ZNF44: variants seen among roughly 807,000 people sequenced by gnomAD.
ZNF44 encodes the protein gonadotropin inducible transcription repressor-2.
Under a neutral mutation model 11.7 loss-of-function variants are expected in ZNF44, and 9 were observed. That is an observed-to-expected ratio of 0.77 (90% CI 0.46 to 1.35). ZNF44 has a LOEUF of 1.35. Among genes scored for constraint, ZNF44 ranks in the 40% most tolerant of loss-of-function variants. The pLI is 0.00. For synonymous variants in ZNF44, 224 were observed against 242.7 expected, an observed-to-expected ratio of 0.92 and a Z score of 0.72; for missense variants, 696 against 743.1, an observed-to-expected ratio of 0.94 and a Z score of 0.74.
At chr19:12,277,158 TTTG>T (rs748589619) in intron 1 of ZNF44, among the ~76,000 whole-genome samples, 87 of 152,316 alleles carry the variant, frequency 5.7e-4, no homozygotes, top group African/African-American at 1.8e-3. Flanking sequence ...ATTTCATATT[TTTG>T]TTGTTGTTGT....
At chr19:12,268,699 C>T (rs1302103452), downstream of ZNF44, among the ~76,000 whole-genome samples, 2 of 152,020 alleles carry the variant, frequency 1.3e-5, no homozygotes, top group African/African-American at 4.8e-5. Flanking sequence ...TCCTCCCACC[C>T]AGTAACTGGG....
intron 3 of ZNF44, among the ~76,000 whole-genome samples, chr19:12,274,541 T>G (rs1351266790): frequency 6.6e-6 from 1 of 151,848 alleles, no homozygotes; most frequent in Non-Finnish European, 1.5e-5. Flanking sequence ...CCCAAAGTGC[T>G]GGGATTACAG....
intron 5 of ZNF44, among the ~76,000 whole-genome samples, chr19:12,257,110 C>T (rs543417003): frequency 1.3e-5 from 2 of 152,088 alleles, no homozygotes; most frequent in Non-Finnish European, 2.9e-5. Flanking sequence ...ACTGAGGTTC[C>T]CTGAATAGAA....
At chr19:12,239,413 CTTT>C (rs34726133), upstream of ZNF44, among the ~76,000 whole-genome samples, 110 of 113,862 alleles carry the variant, frequency 9.7e-4, no homozygotes, top group African/African-American at 3.4e-3. Flanking sequence ...TGCACCTGGC[CTTT>C]TTTTTTTTTT....
At chr19:12,226,962 A>G (rs992727845) in intron 3 of ZNF44, among the ~76,000 whole-genome samples, 2 of 152,114 alleles carry the variant, frequency 1.3e-5, no homozygotes, top group African/African-American at 2.4e-5. Flanking sequence ...GCTACTTGGG[A>G]AGCTGACACA....
chr19:12,225,902 A>C (rs1400681095), downstream of ZNF44, among the ~76,000 whole-genome samples: 1 of 152,162 alleles, frequency 6.6e-6, no homozygotes, highest in Admixed American at 6.5e-5. Flanking sequence ...CTGAAACATC[A>C]AGTTTTCAGT....
chr19:12,234,109 A>G (rs1916279775), intron 2 of ZNF44, among the ~76,000 whole-genome samples: 1 of 152,008 alleles, frequency 6.6e-6, no homozygotes. Flanking sequence ...GTTCATTAAT[A>G]GGTTTTGAAC....
intron 2 of ZNF44, 130 bp from the exon 3 acceptor site, chr19:12,275,163 G>A (rs541135096): frequency 1.7e-6 from 1 of 590,198 alleles, no homozygotes; most frequent in East Asian, 3.3e-5. Flanking sequence ...AACAACACAG[G>A]TTTGAACTGC....
downstream of ZNF44, among the ~76,000 whole-genome samples, chr19:12,269,639 A>G (rs1966893882): frequency 1.3e-5 from 2 of 152,248 alleles, no homozygotes; most frequent in South Asian, 4.1e-4. Context: ...CTGGAATTAC[A>G]GATGTTGTGT....
At chr19:12,264,769 CACTGCA>C (rs1490279781) in intron 5 of ZNF44, among the ~76,000 whole-genome samples, 1 of 152,124 alleles carries the variant, frequency 6.6e-6, no homozygotes, top group Non-Finnish European at 1.5e-5. Context: ...AATCTTGGCT[CACTGCA>C]ACCTCCACCT....
chr19:12,245,118 A>AT (rs956519425), downstream of ZNF44, among the ~76,000 whole-genome samples: 2 of 152,250 alleles, frequency 1.3e-5, no homozygotes, highest in South Asian at 2.1e-4. Flanking sequence ...ATTTTAAAAA[A>AT]TTTTTTCCTT....
At chr19:12,226,794 T>G (rs769056341) in intron 3 of ZNF44, among the ~76,000 whole-genome samples, 9 of 151,972 alleles carry the variant, frequency 5.9e-5, no homozygotes, top group Non-Finnish European at 7.4e-5. Context: ...AGGCTGGGCG[T>G]GGTGGGTCCC....
At position 12,274,961 on chromosome 19, in the gene ZNF44, A is replaced by T. The variant is rs1437882836; in HGVS notation, c.191+12T>A. 26 of 1,574,656 alleles carry T rather than the reference A, an allele frequency of 1.7e-5. No homozygotes were observed. Among genetic ancestry groups the T allele is most frequent in the Non-Finnish European group, 2.2e-5 (25 of 1,158,696 alleles). On this transcript the variant is annotated intron_variant, in intron 3 of 3. Coordinates refer to ENST00000355684, the MANE Select transcript of ZNF44 (RefSeq NM_016264.4). ...GCAAGGACATCACCTGTCTCTTATA[A>T]GTACAAATTACCTTGGATTTCTCCT...
At chr19:12,279,559 T>G (rs1053656979) in intron 1 of ZNF44, among the ~76,000 whole-genome samples, 2 of 124,968 alleles carry the variant, frequency 1.6e-5, no homozygotes, top group Non-Finnish European at 3.3e-5. Context: ...GGAAACAATT[T>G]GAGATAAATC....
At chr19:12,284,336 A>C in intron 1 of ZNF44, 1 of 519,630 alleles carries the variant, frequency 1.9e-6, no homozygotes. Flanking sequence ...GAAAACACCA[A>C]ATGGCTGATG....
chr19:12,257,524 G>A (rs1917308865), intron 5 of ZNF44, among the ~76,000 whole-genome samples: 2 of 151,778 alleles, frequency 1.3e-5, no homozygotes, highest in East Asian at 1.9e-4. Flanking sequence ...GTGGTGGCTC[G>A]TGCCTGTAAT....
At chr19:12,285,146 T>C (rs991561973) in intron 1 of ZNF44, 20 of 590,626 alleles carry the variant, frequency 3.4e-5, no homozygotes, top group Admixed American at 3.2e-4. Context: ...CCAGAGTCTC[T>C]GTGCAGAGGA....
chr19:12,253,462 T>A (rs1296112728), intron 5 of ZNF44, among the ~76,000 whole-genome samples: 1 of 152,038 alleles, frequency 6.6e-6, no homozygotes, highest in Non-Finnish European at 1.5e-5. Flanking sequence ...AGTGCTGGTA[T>A]TACAGGCGTG....
upstream of ZNF44, among the ~76,000 whole-genome samples, chr19:12,238,827 TAGCTCAGATA>T (rs1568422291): frequency 6.6e-6 from 1 of 152,052 alleles, no homozygotes; most frequent in Non-Finnish European, 1.5e-5. Flanking sequence ...ACATTTTAAC[TAGCTCAGATA>T]AGCATCCTCC....
Sources: gnomAD v4.1 joint callset for allele counts (sites outside exome capture counted in the v4.1 genomes callset) on GRCh38, gnomAD v4.1.1 for gene constraint, MANE v1.5 for transcripts, NCBI Gene and HGNC (gene_info 2026-07-23, HGNC 2026-07-21) for gene names.